Variants in TTC28 observed in about 807,000 individuals in gnomAD.
The protein encoded by TTC28 is tetratricopeptide repeat protein 28.
TTC28 carries 61 observed loss-of-function variants against 198.0 expected under a neutral mutation model. The ratio of observed to expected loss-of-function variants is 0.31; its 90% CI spans 0.25 to 0.38. The LOEUF (loss-of-function observed/expected upper bound fraction) is 0.38. Among genes scored for constraint, TTC28 ranks in the 10% least tolerant of loss-of-function variants. TTC28 has a pLI of 1.00. For missense variants in TTC28, 2,678 were observed against 3,164.0 expected (o/e 0.85, Z 3.69); for synonymous variants, 1,171 against 1,297.8 (o/e 0.90, Z 2.10).
intron 5 of TTC28, among the ~76,000 whole-genome samples, chr22:28,247,557 A>G (rs922693297): frequency 3.9e-5 from 6 of 152,210 alleles, no homozygotes; most frequent in Admixed American, 3.9e-4. Context: ...CAGTGGGATC[A>G]GAGCTACCTA....
chr22:28,053,378 T>G (rs1940160573), intron 12 of TTC28, among the ~76,000 whole-genome samples: 2 of 152,204 alleles, frequency 1.3e-5, no homozygotes, highest in South Asian at 4.1e-4. Context: ...ATAAGAAAAG[T>G]AGTTTCCATT....
At chr22:28,081,082 G>A (rs757571513) in intron 12 of TTC28, among the ~76,000 whole-genome samples, 23 of 151,200 alleles carry the variant, frequency 1.5e-4, no homozygotes, top group Non-Finnish European at 2.7e-4. Flanking sequence ...TTTGATAACC[G>A]TAACATAGAA....
Position 28,489,615 on chromosome 22 carries a change from A to G in TTC28, c.381+139937T>C, listed in dbSNP as rs142613191. Among the ~76,000 whole-genome samples, 249 of 152,182 alleles carry G rather than the reference A, an allele frequency of 1.6e-3. 1 individual carries two copies. Among genetic ancestry groups the G allele is most frequent in the African/African-American group, 5.3e-3 (220 of 41,518 alleles). On this transcript the variant is annotated intron_variant, in intron 2 of 22. Coordinates refer to ENST00000397906, the MANE Select transcript of TTC28 (RefSeq NM_001145418.2). The stretch of plus-strand genomic sequence containing the variant: ...AAGTAGTAACACTTATATTCACTCT[A>G]TATTAGTCAAGACAGGCTAGGTTAG...
chr22:28,050,084 G>A (rs1940026532), intron 12 of TTC28, among the ~76,000 whole-genome samples: 1 of 152,086 alleles, frequency 6.6e-6, no homozygotes, highest in Admixed American at 6.5e-5. Flanking sequence ...ACAGCTGGGA[G>A]GTAGATCTTA....
At chr22:28,227,774 T>C (rs1475793663) in intron 5 of TTC28, among the ~76,000 whole-genome samples, 1 of 151,810 alleles carries the variant, frequency 6.6e-6, no homozygotes, top group Non-Finnish European at 1.5e-5. Flanking sequence ...AGTGGGAATG[T>C]AAAATGGTAC....
intron 12 of TTC28, among the ~76,000 whole-genome samples, chr22:28,078,840 AT>A (rs1166614196): frequency 6.6e-6 from 1 of 152,128 alleles, no homozygotes; most frequent in Non-Finnish European, 1.5e-5. Context: ...TTCAGAGAAG[AT>A]AGGAATTTGA....
At chr22:28,092,536 C>G (rs192498063) in intron 12 of TTC28, among the ~76,000 whole-genome samples, 3 of 152,324 alleles carry the variant, frequency 2.0e-5, no homozygotes, top group African/African-American at 4.8e-5. Context: ...CCAAAGTCTG[C>G]CCTGCTGGCT....
chr22:28,104,491 T>C (rs1402567237), intron 8 of TTC28, among the ~76,000 whole-genome samples: 2 of 152,222 alleles, frequency 1.3e-5, no homozygotes, highest in African/African-American at 4.8e-5. Context: ...ATCTGCCCTT[T>C]TTCCCTTCTA....
chr22:28,293,184 A>C (rs1220300474), intron 5 of TTC28, among the ~76,000 whole-genome samples: 2 of 152,198 alleles, frequency 1.3e-5, no homozygotes, highest in African/African-American at 2.4e-5. Flanking sequence ...ATTCACAATA[A>C]CCAAGATATG....
chr22:28,623,595 G>A (rs2051033833), intron 2 of TTC28, among the ~76,000 whole-genome samples: 1 of 152,112 alleles, frequency 6.6e-6, no homozygotes, highest in African/African-American at 2.4e-5. Context: ...CAGAATACAT[G>A]TTCTTTCCAA....
intron 2 of TTC28, among the ~76,000 whole-genome samples, chr22:28,526,979 A>T (rs1287548503): frequency 6.6e-6 from 1 of 151,934 alleles, no homozygotes; most frequent in East Asian, 1.9e-4. Context: ...ACTGTTCTTG[A>T]GCTCCTGACC....
chr22:28,007,156 C>T (rs762438019), intron 14 of TTC28: 20 of 152,188 alleles, frequency 1.3e-4, no homozygotes, highest in Admixed American at 1.1e-3. Flanking sequence ...TCCAGATACC[C>T]CAGAACTGTG....
intron 5 of TTC28, among the ~76,000 whole-genome samples, chr22:28,204,098 G>C (rs968829543): frequency 2.6e-5 from 4 of 151,874 alleles, no homozygotes; most frequent in African/African-American, 9.7e-5. Context: ...CTTCCCATAG[G>C]GGCACTCTCT....
At chr22:28,133,877 C>T (rs577877684) in intron 6 of TTC28, among the ~76,000 whole-genome samples, 18 of 152,332 alleles carry the variant, frequency 1.2e-4, no homozygotes, top group African/African-American at 2.9e-4. Flanking sequence ...TCTCCCAGCA[C>T]GCAGCTTGAG....
chr22:28,001,331 C>T (rs773787020), intron 15 of TTC28, 43 bp downstream of exon 15: 62 of 1,524,978 alleles, frequency 4.1e-5, no homozygotes, highest in Admixed American at 1.8e-4. Flanking sequence ...CCTCGTGACC[C>T]GAAAACAAGC....
intron 12 of TTC28, among the ~76,000 whole-genome samples, chr22:28,069,965 C>T (rs1360567511): frequency 6.9e-6 from 1 of 145,010 alleles, no homozygotes; most frequent in Non-Finnish European, 1.5e-5. Flanking sequence ...CACACACACA[C>T]ACAAATGCCC....
chr22:28,677,101 G>A (rs1440764585), intron 1 of TTC28, among the ~76,000 whole-genome samples: 2 of 142,668 alleles, frequency 1.4e-5, no homozygotes, highest in South Asian at 2.2e-4. Context: ...GCTGCAGTGA[G>A]GCCAAGATCA....
chr22:28,050,266 G>C (rs961450125), intron 12 of TTC28, among the ~76,000 whole-genome samples: 1 of 152,064 alleles, frequency 6.6e-6, no homozygotes, highest in Non-Finnish European at 1.5e-5. Flanking sequence ...GCCTAATCCA[G>C]GGACACATTT....
Position 28,491,786 on chromosome 22 carries a change from TGCTACTATAAA to T in TTC28, c.381+137755_381+137765del, listed in dbSNP as rs2048383464. On this transcript the variant is annotated intron_variant, in intron 2 of 22. Coordinates refer to ENST00000397906, the MANE Select transcript of TTC28 (RefSeq NM_001145418.2). ...TATATACTCAAAGGATTATAAATCA[TGCTACTATAAA>T]GACACATGCACACATATGTTTATTG... 9.2e-5 allele frequency among the ~76,000 whole-genome samples: 14 copies of T among 152,304 alleles called. No homozygotes were observed. In the South Asian group the frequency reaches 2.9e-3, roughly 32 times the overall value.
Sources: allele counts gnomAD v4.1 joint callset (sites outside exome capture counted in the v4.1 genomes callset), GRCh38; gene constraint gnomAD v4.1.1; transcripts MANE v1.5; gene names NCBI Gene and HGNC (gene_info 2026-07-23, HGNC 2026-07-21).